Variants in FOCAD observed in about 807,000 individuals in gnomAD.
FOCAD encodes focadhesin.
FOCAD carries 198 observed loss-of-function variants against 225.6 expected under a neutral mutation model. The ratio of observed to expected loss-of-function variants is 0.88; its 90% CI spans 0.78 to 0.99. The LOEUF (loss-of-function observed/expected upper bound fraction) is 0.99. Among genes scored for constraint, FOCAD ranks in the 50% least tolerant of loss-of-function variants. FOCAD has a pLI of 0.00. For missense variants in FOCAD, 2,713 were observed against 2,123.6 expected (o/e 1.28, Z -5.46); for synonymous variants, 897 against 755.0 (o/e 1.19, Z -3.08).
At chr9:20,892,553 G>A (rs1021614867) in intron 21 of FOCAD, among the ~76,000 whole-genome samples, 1 of 152,090 alleles carries the variant, frequency 6.6e-6, no homozygotes, top group African/African-American at 2.4e-5. Context: ...ACCAAGAGAA[G>A]TAGAATTAGA....
At chr9:20,942,609 ATCT>A (rs1836781784) in intron 28 of FOCAD, among the ~76,000 whole-genome samples, 1 of 152,114 alleles carries the variant, frequency 6.6e-6, no homozygotes, top group Admixed American at 6.5e-5. Context: ...TCCTCTGTAG[ATCT>A]TCTCTCTACT....
chr9:20,790,676 C>G (rs981345469), intron 11 of FOCAD, among the ~76,000 whole-genome samples: 2 of 152,074 alleles, frequency 1.3e-5, no homozygotes, highest in African/African-American at 4.8e-5. Flanking sequence ...GAGGCTGAGG[C>G]AAGAGAATTA....
intron 38 of FOCAD, among the ~76,000 whole-genome samples, chr9:20,981,985 G>A (rs1361977406): frequency 2.6e-5 from 4 of 152,072 alleles, no homozygotes; most frequent in Non-Finnish European, 5.9e-5. Context: ...AAGTCCTTAC[G>A]CTTTACACCT....
At chr9:20,903,561 G>T (rs1412131965) in intron 21 of FOCAD, among the ~76,000 whole-genome samples, 1 of 151,814 alleles carries the variant, frequency 6.6e-6, no homozygotes, top group East Asian at 1.9e-4. Flanking sequence ...GTCCTGAACA[G>T]TGCCCTAGAA....
chr9:20,950,943 G>C, intron 33 of FOCAD, 53 bp from the exon 34 acceptor site: 1 of 1,497,468 alleles, frequency 6.7e-7, no homozygotes, highest in Non-Finnish European at 9.3e-7. Flanking sequence ...ACCTTTTATT[G>C]AATGGAACTT....
intron 2 of FOCAD, among the ~76,000 whole-genome samples, chr9:20,674,620 A>G (rs1217238521): frequency 6.6e-6 from 1 of 152,218 alleles, no homozygotes; most frequent in Non-Finnish European, 1.5e-5. Context: ...AACAACTCTC[A>G]TGAAGTTGCA....
At chr9:20,889,499 T>C (rs1319781089) in intron 21 of FOCAD, among the ~76,000 whole-genome samples, 1 of 152,226 alleles carries the variant, frequency 6.6e-6, no homozygotes, top group Non-Finnish European at 1.5e-5. Context: ...GAAAATACCA[T>C]CTTTTATTCA....
intron 35 of FOCAD, among the ~76,000 whole-genome samples, chr9:20,975,298 CT>C (rs980152410): frequency 6.6e-6 from 1 of 152,152 alleles, no homozygotes; most frequent in African/African-American, 2.4e-5. Context: ...TTTTCAATTT[CT>C]AATTACCCTA....
At chr9:20,673,186 G>T (rs559017370) in intron 2 of FOCAD, among the ~76,000 whole-genome samples, 1 of 152,188 alleles carries the variant, frequency 6.6e-6, no homozygotes, top group Non-Finnish European at 1.5e-5. Flanking sequence ...TTTACCCTTG[G>T]TTTTTTCTAT....
chr9:20,870,367 C>G (rs932343985), intron 18 of FOCAD, among the ~76,000 whole-genome samples: 2 of 152,110 alleles, frequency 1.3e-5, no homozygotes, highest in Non-Finnish European at 2.9e-5. Flanking sequence ...TGCACAAACT[C>G]TTGGATTTCC....
intron 2 of FOCAD, among the ~76,000 whole-genome samples, chr9:20,671,216 G>A (rs893143790): frequency 6.6e-6 from 1 of 151,202 alleles, no homozygotes; most frequent in Non-Finnish European, 1.5e-5. Flanking sequence ...AATGTGCACC[G>A]TAGATAAAAT....
At chr9:20,798,472 G>A (rs1183619848) in intron 11 of FOCAD, among the ~76,000 whole-genome samples, 1 of 152,096 alleles carries the variant, frequency 6.6e-6, no homozygotes, top group Non-Finnish European at 1.5e-5. Context: ...GAATGCATCT[G>A]GTCCTGGACT....
Position 20,720,410 on chromosome 9 carries a change from T to C in FOCAD, c.163T>C (p.Cys55Arg). 6.2e-7 allele frequency: 1 copy of C among 1,614,064 alleles called. No individual in the cohort carries two copies. Among genetic ancestry groups the C allele is most frequent in the Non-Finnish European group, 8.5e-7 (1 of 1,179,984 alleles). Residue 55 changes from cysteine to arginine, a missense_variant, in exon 4 of 44, where the codon TGT (cysteine) becomes CGT (arginine). Coordinates refer to ENST00000338382, the MANE Select transcript of FOCAD (RefSeq NM_001375567.1). The stretch of plus-strand genomic sequence containing the variant: ...TGCTTTGAACTTGCTGTGGGAGAAG[T>C]GTTGCAGTGACAATGTAGTGGTTCG... ...TPALNLLWEK[C>R]CSDNVVVRTA...
At chr9:20,729,961 C>A (rs1368021629) in intron 4 of FOCAD, among the ~76,000 whole-genome samples, 1 of 152,142 alleles carries the variant, frequency 6.6e-6, no homozygotes, top group Non-Finnish European at 1.5e-5. Flanking sequence ...AATTATCTCT[C>A]TAAACAGCAA....
chr9:20,821,162 G>C, intron 14 of FOCAD, 91 bp downstream of exon 14: 1 of 1,270,788 alleles, frequency 7.9e-7, no homozygotes, highest in Non-Finnish European at 1.1e-6. Context: ...AGAAAAGATA[G>C]GCAGAGGATA....
intron 5 of FOCAD, among the ~76,000 whole-genome samples, chr9:20,740,795 T>A (rs1827552288): frequency 6.6e-6 from 1 of 152,190 alleles, no homozygotes; most frequent in Admixed American, 6.5e-5. Context: ...TGATTTGCCT[T>A]TTCTTTGTCA....
chr9:20,783,212 T>C lies in FOCAD; in HGVS notation c.1197+1283T>C, dbSNP rs140251572. ...TTTGCTCAGATGTGTGTGAATCTTA[T>C]TATTAACACTAATATCTGGACTTTC... is the stretch of plus-strand genomic sequence containing the variant. On this transcript the variant is annotated intron_variant, in intron 10 of 43. Transcript: ENST00000338382. Among the ~76,000 whole-genome samples the C allele has an allele frequency of 3.7e-3, 567 of 152,224 alleles. 4 individuals carry two copies. The highest frequency in any genetic ancestry group is 0.013 in the African/African-American group (543 of 41,546).
chr9:20,822,374 G>A (rs992266760), intron 14 of FOCAD, among the ~76,000 whole-genome samples: 3 of 152,018 alleles, frequency 2.0e-5, no homozygotes, highest in African/African-American at 7.2e-5. Flanking sequence ...GAATAGACTT[G>A]CATAACCATG....
intron 16 of FOCAD, among the ~76,000 whole-genome samples, chr9:20,865,093 C>A (rs1020557851): frequency 3.9e-5 from 6 of 152,042 alleles, no homozygotes; most frequent in African/African-American, 1.2e-4. Context: ...CAGTCCCTGC[C>A]TTCTAGAAGC....
Sources: gnomAD v4.1 joint callset for allele counts (sites outside exome capture counted in the v4.1 genomes callset) on GRCh38, gnomAD v4.1.1 for gene constraint, MANE v1.5 for transcripts, NCBI Gene and HGNC (gene_info 2026-07-23, HGNC 2026-07-21) for gene names.